FNDC1: variants seen among roughly 807,000 people sequenced by gnomAD.
FNDC1 encodes fibronectin type III domain containing 1, also known as fibronectin type III domain-containing protein 1.
Under a neutral mutation model 168.0 loss-of-function variants are expected in FNDC1, and 96 were observed. That is an observed-to-expected ratio of 0.57 (90% CI 0.48 to 0.68). The LOEUF (loss-of-function observed/expected upper bound fraction) is 0.68. Among genes scored for constraint, FNDC1 ranks in the 30% least tolerant of loss-of-function variants. FNDC1 has a pLI of 0.00. For missense variants in FNDC1, 2,587 were observed against 2,482.1 expected (o/e 1.04, Z -0.90); for synonymous variants, 1,099 against 1,025.9 (o/e 1.07, Z -1.36).
At chr6:159,175,245 C>T (rs1781738666) in intron 1 of FNDC1, among the ~76,000 whole-genome samples, 1 of 152,082 alleles carries the variant, frequency 6.6e-6, no homozygotes, top group Non-Finnish European at 1.5e-5. Context: ...ACGGAGTTCA[C>T]CATTTCTCTC....
In FNDC1 at chr6:159,231,104, G is replaced by C. The variant is rs1238760569; in HGVS notation, c.1370-778G>C. Among the ~76,000 whole-genome samples, 6 of 28,644 alleles carry C rather than the reference G, an allele frequency of 2.1e-4. 2 individuals are homozygous for C. The highest frequency in any genetic ancestry group is 3.2e-4 in the African/African-American group (6 of 18,612). The allele number at this position is 28,644 out of a possible 152,430, so 18.8% of individuals were successfully genotyped here. ...AAAATTACAAATTGGGGCCGGGCGC[G>C]GTGGCTCACGCCTGTAATCCCAGCA... On this transcript the variant is annotated intron_variant, in intron 10 of 22. Coordinates refer to ENST00000297267, the MANE Select transcript of FNDC1 (RefSeq NM_032532.3).
intron 2 of FNDC1, 113 bp downstream of exon 2, chr6:159,197,738 C>G: frequency 1.0e-6 from 1 of 963,548 alleles, no homozygotes; most frequent in African/African-American, 1.7e-5. Flanking sequence ...AGGTCCCTTA[C>G]GGTTCTTTGG....
chr6:159,232,990 T>C lies in FNDC1; in HGVS notation c.2478T>C (p.Ala826=). Residue 826 remains alanine, a synonymous_variant, in exon 11 of 23, where the codon GCT becomes GCC. Coordinates refer to ENST00000297267, the MANE Select transcript of FNDC1 (RefSeq NM_032532.3). This position sits in a 1 kb window ranked among gnomAD's most constrained non-coding sequence, Gnocchi z 4.9. The stretch of plus-strand genomic sequence containing the variant: ...ATTTGCTCAGACACAAACCCTTTGC[T>C]GCCAACGGGAGGTCTCCAAGCAGGT... ...HFHLLRHKPF[A]ANGRSPSRFS... The C allele has an allele frequency of 6.2e-7, 1 of 1,612,420 alleles. No individual in the cohort carries two copies. The highest frequency in any genetic ancestry group is 8.5e-7 in the Non-Finnish European group (1 of 1,179,668).
chr6:159,228,169 G>A (rs528599013), intron 9 of FNDC1, among the ~76,000 whole-genome samples: 1 of 152,040 alleles, frequency 6.6e-6, no homozygotes, highest in Non-Finnish European at 1.5e-5. Context: ...CAGTTCCTTG[G>A]CGAAAGAAGT....
Position 159,232,778 on chromosome 6 carries a change from A to T in FNDC1, c.2266A>T (p.Asn756Tyr), listed in dbSNP as rs753662603. 1.5e-5 allele frequency: 25 copies of T among 1,613,824 alleles called. No homozygotes were observed. The South Asian group carries it at 2.7e-4, about 18-fold the overall frequency. Residue 756 changes from asparagine to tyrosine, a missense_variant, in exon 11 of 23, where the codon AAT becomes TAT. Coordinates refer to ENST00000297267, the MANE Select transcript of FNDC1 (RefSeq NM_032532.3). This position sits in a 1 kb window ranked among gnomAD's most constrained non-coding sequence, Gnocchi z 4.9. ...TGAGGACGCCCCAGCCACCAACTCC[A>T]ATGCGCCATCACGGTCCACCATGTC... ...DGEDAPATNSNAPSRSTMSSS... is the reference protein window; with the variant it reads ...DGEDAPATNSYAPSRSTMSSS...
intron 2 of FNDC1, among the ~76,000 whole-genome samples, chr6:159,199,315 A>G (rs915323681): frequency 1.3e-5 from 2 of 152,202 alleles, no homozygotes; most frequent in Non-Finnish European, 2.9e-5. Flanking sequence ...TCAGCCCAAG[A>G]GACCTCTGCT....
intron 5 of FNDC1, among the ~76,000 whole-genome samples, chr6:159,216,224 A>G (rs1264416985): frequency 6.6e-6 from 1 of 152,182 alleles, no homozygotes; most frequent in Non-Finnish European, 1.5e-5. Context: ...AGCCTCCCAA[A>G]GTGCTGGGAT....
chr6:159,196,285 A>C (rs1228957433), intron 1 of FNDC1, among the ~76,000 whole-genome samples: 3 of 152,118 alleles, frequency 2.0e-5, no homozygotes, highest in Non-Finnish European at 4.4e-5. Context: ...TCTTTCTCTA[A>C]CGCTTCAAAA....
rs1345082222 is a variant in FNDC1, at chr6:159,265,039, G to T, written c.5284+35G>T. On this transcript the variant is annotated intron_variant, in intron 20 of 22. Coordinates refer to ENST00000297267, the MANE Select transcript of FNDC1 (RefSeq NM_032532.3). ...TGTTCTTGATAATCTGGACATTCTG[G>T]TAATCAAGTTGAATATTGAATATGA... is the stretch of plus-strand genomic sequence containing the variant. The T allele has an allele frequency of 1.9e-6, 3 of 1,560,156 alleles. No individual in the cohort carries two copies. In the East Asian group the frequency reaches 6.8e-5, roughly 35 times the overall value.
At chr6:159,252,445 A>G (rs1169003869) in intron 17 of FNDC1, among the ~76,000 whole-genome samples, 2 of 152,242 alleles carry the variant, frequency 1.3e-5, no homozygotes, top group Non-Finnish European at 2.9e-5. Context: ...TCCAAAGAGC[A>G]TCTTCTCTTG....
chr6:159,221,374 A>G (rs900052481), intron 5 of FNDC1, among the ~76,000 whole-genome samples: 1 of 152,334 alleles, frequency 6.6e-6, no homozygotes, highest in African/African-American at 2.4e-5. Flanking sequence ...CTGGTAAAAA[A>G]TCAGTTCCCT....
At chr6:159,198,254 T>A (rs1782293826) in intron 2 of FNDC1, among the ~76,000 whole-genome samples, 1 of 152,230 alleles carries the variant, frequency 6.6e-6, no homozygotes, top group Admixed American at 6.5e-5. Context: ...AAAGCCCCAT[T>A]GATTCTTGAA....
rs1008907074 is a variant in FNDC1, at chr6:159,233,583, C to T, written c.3071C>T (p.Ala1024Val). 4 of 1,584,742 alleles carry T rather than the reference C, an allele frequency of 2.5e-6. No homozygotes were observed. The highest frequency in any genetic ancestry group is 3.4e-6 in the Non-Finnish European group (4 of 1,168,968). The change falls in exon 11 of 23, where the codon GCG (alanine) becomes GTG (valine). Residue 1024 changes from alanine (A) to valine (V), a missense_variant. Physicochemically the swap from Ala to Val is moderately conservative, Grantham distance 64. Coordinates refer to ENST00000297267, the MANE Select transcript of FNDC1 (RefSeq NM_032532.3). This position sits in a 1 kb window ranked among gnomAD's most constrained non-coding sequence, Gnocchi z 4.6. ...QHHPGPQSRD[A>V]GRSPSQPRLS... ...CACCCGGGACCCCAGAGCAGAGACG[C>T]GGGTCGGTCACCTTCCCAGCCCAGG...
At chr6:159,215,207 A>G in intron 5 of FNDC1, 56 bp downstream of exon 5, 2 of 1,491,282 alleles carry the variant, frequency 1.3e-6, no homozygotes, top group South Asian at 1.1e-5. Flanking sequence ...GATCATTTCA[A>G]TATTTAGAAG....
intron 1 of FNDC1, among the ~76,000 whole-genome samples, chr6:159,187,275 C>T (rs904208162): frequency 3.3e-5 from 5 of 152,186 alleles, no homozygotes; most frequent in African/African-American, 1.2e-4. Flanking sequence ...CTGTAGGACA[C>T]GATCTGCTTC....
intron 1 of FNDC1, among the ~76,000 whole-genome samples, chr6:159,184,833 T>C (rs1295882017): frequency 1.3e-5 from 2 of 152,096 alleles, no homozygotes; most frequent in Non-Finnish European, 2.9e-5. Context: ...ATTTCTTGGT[T>C]ACAAATTGAA....
chr6:159,234,629 G>A (rs1009825932), intron 11 of FNDC1, 150 bp downstream of exon 11: 3 of 794,922 alleles, frequency 3.8e-6, no homozygotes, highest in East Asian at 2.7e-5. Flanking sequence ...TTCATCCTCT[G>A]AACGGTCCCT....
Position 159,233,001 on chromosome 6 carries a change from G to T in FNDC1, c.2489G>T (p.Arg830Met). 1 of 1,612,656 alleles carries T rather than the reference G, an allele frequency of 6.2e-7. No individual in the cohort carries two copies. The highest frequency in any genetic ancestry group is 8.5e-7 in the Non-Finnish European group (1 of 1,179,678). ...LRHKPFAANG[R>M]SPSRFSIGRG... ...CACAAACCCTTTGCTGCCAACGGGAGGTCTCCAAGCAGGTTCAGCATTGGG... is the reference window on the plus strand; with the variant it reads ...CACAAACCCTTTGCTGCCAACGGGATGTCTCCAAGCAGGTTCAGCATTGGG... Residue 830 changes from arginine (R) to methionine (M), a missense_variant, in exon 11 of 23, where the codon AGG becomes ATG. Physicochemically the swap from Arg to Met is moderately conservative, Grantham distance 91 (BLOSUM62 -1). Transcript: ENST00000297267. The surrounding 1 kb of genome is among the most constrained non-coding windows in gnomAD (Gnocchi z 4.6).
chr6:159,233,873 G>T lies in FNDC1; in HGVS notation c.3361G>T (p.Ala1121Ser). Residue 1121 changes from alanine to serine, a missense_variant, in exon 11 of 23, where the codon GCA becomes TCA. Ala to Ser is a moderately conservative substitution (Grantham distance 99). Transcript: ENST00000297267. This position sits in a 1 kb window ranked among gnomAD's most constrained non-coding sequence, Gnocchi z 4.6. ...GGTGGAGTCTCCCACAGGCGCAGGGGCAGGTGGCGACCACAGGTCCCAGCG... is the reference window on the plus strand; with the variant it reads ...GGTGGAGTCTCCCACAGGCGCAGGGTCAGGTGGCGACCACAGGTCCCAGCG... ...QQVESPTGAG[A>S]GGDHRSQRGH... 1 of 1,547,344 alleles carries T rather than the reference G, an allele frequency of 6.5e-7. No individual in the cohort carries two copies. The highest frequency in any genetic ancestry group is 8.7e-7 in the Non-Finnish European group (1 of 1,145,366).
Sources: allele counts gnomAD v4.1 joint callset (sites outside exome capture counted in the v4.1 genomes callset), GRCh38; gene constraint gnomAD v4.1.1; non-coding constraint Gnocchi (gnomAD v3.1); transcripts MANE v1.5; gene names NCBI Gene and HGNC (gene_info 2026-07-23, HGNC 2026-07-21).